The following RBFOX1 variants were observed in gnomAD, a reference collection of about 807,000 sequenced individuals.
RBFOX1 encodes RNA binding protein fox-1 homolog 1.
Under a neutral mutation model 57.7 loss-of-function variants are expected in RBFOX1, and 8 were observed. The observed-to-expected ratio is 0.14, with a 90% CI of 0.08 to 0.25. The LOEUF (loss-of-function observed/expected upper bound fraction) is 0.25. Ranked by LOEUF, RBFOX1 falls within the 10% of genes least tolerant of loss-of-function variation. The pLI, the probability that RBFOX1 is intolerant of heterozygous loss-of-function variation, is 1.00. For missense variants in RBFOX1, 611 were observed against 548.5 expected, an observed-to-expected ratio of 1.11 and a Z score of -1.14; for synonymous variants, 326 against 222.4, an observed-to-expected ratio of 1.47 and a Z score of -4.15.
At chr16:7,486,329 C>T (rs1445022915) in intron 4 of RBFOX1, among the ~76,000 whole-genome samples, 1 of 151,618 alleles carries the variant, frequency 6.6e-6, no homozygotes, top group East Asian at 1.9e-4. Context: ...GATGCGGTTT[C>T]ACCATGTTGG....
At chr16:6,518,316 A>C (rs1455206926) in intron 2 of RBFOX1, among the ~76,000 whole-genome samples, 1 of 152,148 alleles carries the variant, frequency 6.6e-6, no homozygotes, top group Non-Finnish European at 1.5e-5. Context: ...AATTATTGCA[A>C]GATACGTGAT....
At chr16:5,930,626 A>G (rs2059031932) in intron 4 of RBFOX1, among the ~76,000 whole-genome samples, 1 of 94,398 alleles carries the variant, frequency 1.1e-5, no homozygotes, top group Non-Finnish European at 2.0e-5. Context: ...GGATGGATGC[A>G]TGGCTGGATG....
intron 4 of RBFOX1, among the ~76,000 whole-genome samples, chr16:5,957,244 T>C (rs2059661279): frequency 6.6e-6 from 1 of 152,202 alleles, no homozygotes; most frequent in Admixed American, 6.5e-5. Flanking sequence ...AGACAGAGTC[T>C]TGGTCTGTTG....
At chr16:7,286,132 A>G (rs974402810) in intron 4 of RBFOX1, among the ~76,000 whole-genome samples, 1 of 152,216 alleles carries the variant, frequency 6.6e-6, no homozygotes, top group Non-Finnish European at 1.5e-5. Flanking sequence ...GAGTGAATGC[A>G]TGAATACCAC....
chr16:7,361,206 C>G (rs550626086), intron 4 of RBFOX1, among the ~76,000 whole-genome samples: 6 of 152,136 alleles, frequency 3.9e-5, no homozygotes, highest in African/African-American at 1.2e-4. Flanking sequence ...AAGCCAGTTT[C>G]GTTTTATGCA....
At chr16:6,727,926 A>T (rs141550080) in intron 3 of RBFOX1, among the ~76,000 whole-genome samples, 1 of 152,196 alleles carries the variant, frequency 6.6e-6, no homozygotes, top group Non-Finnish European at 1.5e-5. Context: ...TTGGAAGGCT[A>T]GTTCTACTAC....
rs560307914 is a variant in RBFOX1, at chr16:6,824,599, T to G, written c.-16+169949T>G. ...AATACAAGTCTGTAAGTTAAAGGTG[T>G]GCTGTTTTGTCAACAGATTACTCTG... On this transcript the variant is annotated intron_variant, in intron 3 of 15. Coordinates refer to ENST00000550418, the MANE Select transcript of RBFOX1 (RefSeq NM_018723.4). Among the ~76,000 whole-genome samples, 3 of 152,316 alleles carry G rather than the reference T, an allele frequency of 2.0e-5. No homozygotes were observed. The East Asian group carries it at 5.8e-4, about 29-fold the overall frequency.
chr16:7,484,517 C>T (rs1422303633), intron 4 of RBFOX1, among the ~76,000 whole-genome samples: 2 of 152,182 alleles, frequency 1.3e-5, no homozygotes, highest in Admixed American at 6.5e-5. Context: ...GGCTGTAGTG[C>T]ACTGGCACGA....
At chr16:7,701,417 A>G (rs1016010903) in intron 14 of RBFOX1, among the ~76,000 whole-genome samples, 1 of 152,162 alleles carries the variant, frequency 6.6e-6, no homozygotes, top group Admixed American at 6.5e-5. Flanking sequence ...TCATGGGAGC[A>G]CCAACCCTAC....
intron 4 of RBFOX1, among the ~76,000 whole-genome samples, chr16:7,159,259 T>A (rs1324650415): frequency 6.6e-6 from 1 of 151,088 alleles, no homozygotes; most frequent in Non-Finnish European, 1.5e-5. Context: ...GAATCTTTTT[T>A]CAGTAGACAC....
At chr16:7,258,992 T>G (rs1045704373) in intron 4 of RBFOX1, among the ~76,000 whole-genome samples, 10 of 152,184 alleles carry the variant, frequency 6.6e-5, no homozygotes, top group African/African-American at 2.4e-4. Flanking sequence ...TCCAAGCCCT[T>G]GTATTCCCTC....
chr16:6,340,031 T>C (rs1243918368), intron 2 of RBFOX1, among the ~76,000 whole-genome samples: 1 of 152,132 alleles, frequency 6.6e-6, no homozygotes, highest in Non-Finnish European at 1.5e-5. Flanking sequence ...AGAAATCCTA[T>C]GTACAGGAAC....
intron 4 of RBFOX1, among the ~76,000 whole-genome samples, chr16:7,276,715 T>C (rs1245967598): frequency 6.6e-6 from 1 of 152,188 alleles, no homozygotes; most frequent in African/African-American, 2.4e-5. Context: ...GATTTGATCG[T>C]GTTGAGGAGT....
chr16:6,227,288 C>T (rs945457064), intron 1 of RBFOX1, among the ~76,000 whole-genome samples: 7 of 152,134 alleles, frequency 4.6e-5, no homozygotes, highest in South Asian at 2.1e-4. Flanking sequence ...GATTCTAAAA[C>T]GGAGTCTAAG....
chr16:6,568,720 T>C (rs530473455), intron 2 of RBFOX1, among the ~76,000 whole-genome samples: 73 of 152,264 alleles, frequency 4.8e-4, no homozygotes, highest in African/African-American at 1.7e-3. Context: ...CTTCTTCCAT[T>C]TCAGGGGCCA....
intron 3 of RBFOX1, among the ~76,000 whole-genome samples, chr16:6,748,187 T>A (rs1281205274): frequency 6.6e-6 from 1 of 152,170 alleles, no homozygotes; most frequent in African/African-American, 2.4e-5. Flanking sequence ...AATGCATATT[T>A]AATTGGATAT....
At chr16:5,504,128 T>A (rs2043296072) in intron 2 of RBFOX1, among the ~76,000 whole-genome samples, 1 of 152,170 alleles carries the variant, frequency 6.6e-6, no homozygotes, top group Non-Finnish European at 1.5e-5. Context: ...GCCTCATTGC[T>A]CACAGCACAA....
intron 3 of RBFOX1, among the ~76,000 whole-genome samples, chr16:6,959,880 G>A (rs913694155): frequency 2.6e-5 from 4 of 152,110 alleles, no homozygotes; most frequent in Non-Finnish European, 5.9e-5. Context: ...GACATGTAGT[G>A]AGCTGAGATT....
intron 4 of RBFOX1, among the ~76,000 whole-genome samples, chr16:7,163,509 C>G (rs950176838): frequency 6.6e-5 from 10 of 152,088 alleles, no homozygotes; most frequent in African/African-American, 2.4e-4. Flanking sequence ...CCTTCTGTTC[C>G]CGTTAGCACT....
Sources: gnomAD v4.1 joint callset for allele counts (sites outside exome capture counted in the v4.1 genomes callset) on GRCh38, gnomAD v4.1.1 for gene constraint, MANE v1.5 for transcripts, NCBI Gene and HGNC (gene_info 2026-07-23, HGNC 2026-07-21) for gene names.